The following AGBL4 variants were observed in gnomAD, a reference collection of about 807,000 sequenced individuals.
The protein encoded by AGBL4 is AGBL carboxypeptidase 4.
AGBL4 carries 58 observed loss-of-function variants against 66.4 expected under a neutral mutation model. The observed-to-expected ratio is 0.87, with a 90% CI of 0.71 to 1.09. The LOEUF (loss-of-function observed/expected upper bound fraction) is 1.09. Ranked by LOEUF, AGBL4 falls within the 50% of genes least tolerant of loss-of-function variation. The probability of loss-of-function intolerance (pLI) is 0.00; values close to 1 mark genes in which losing one functional copy is unlikely to be tolerated. For synonymous variants in AGBL4, 234 were observed against 222.9 expected (o/e 1.05, Z -0.44); for missense variants, 579 against 631.0 (o/e 0.92, Z 0.88).
intron 4 of AGBL4, among the ~76,000 whole-genome samples, chr1:49,180,656 G>T (rs1374075931): frequency 1.3e-5 from 2 of 152,124 alleles, no homozygotes; most frequent in African/African-American, 4.8e-5. Flanking sequence ...CAGAAGATGG[G>T]AATCAAATTG....
chr1:49,170,111 C>G (rs1432852824), intron 4 of AGBL4, among the ~76,000 whole-genome samples: 1 of 150,876 alleles, frequency 6.6e-6, no homozygotes, highest in East Asian at 1.9e-4. Context: ...AACCAAAAAC[C>G]ACATGTACCC....
At chr1:49,938,821 A>G (rs1422738360) in intron 1 of AGBL4, among the ~76,000 whole-genome samples, 4 of 152,070 alleles carry the variant, frequency 2.6e-5, no homozygotes, top group Admixed American at 6.6e-5. Context: ...ACTCTCAATA[A>G]ATTCAACATA....
At chr1:49,742,882 A>G (rs1287428143) in intron 2 of AGBL4, among the ~76,000 whole-genome samples, 1 of 152,214 alleles carries the variant, frequency 6.6e-6, no homozygotes, top group African/African-American at 2.4e-5. Context: ...CCTCTCTTAC[A>G]CTTTATACAA....
chr1:49,028,304 C>T (rs1360336218), intron 5 of AGBL4, among the ~76,000 whole-genome samples: 1 of 152,194 alleles, frequency 6.6e-6, no homozygotes, highest in Non-Finnish European at 1.5e-5. Context: ...TCTATATTAA[C>T]TGGATCAGAC....
chr1:48,998,414 T>A (rs1467627748), intron 5 of AGBL4, among the ~76,000 whole-genome samples: 1 of 152,180 alleles, frequency 6.6e-6, no homozygotes, highest in Non-Finnish European at 1.5e-5. Flanking sequence ...TGGAGACTGG[T>A]GAATGACCCC....
chr1:49,790,567 CAATT>C (rs1295485389), intron 2 of AGBL4, among the ~76,000 whole-genome samples: 1 of 151,982 alleles, frequency 6.6e-6, no homozygotes, highest in African/African-American at 2.4e-5. Context: ...AAAAAATTAT[CAATT>C]GAGTTTATAC....
chr1:48,709,377 T>C (rs1646927639), intron 6 of AGBL4, among the ~76,000 whole-genome samples: 1 of 152,300 alleles, frequency 6.6e-6, no homozygotes, highest in East Asian at 1.9e-4. Flanking sequence ...ATCTTGTGAG[T>C]GTGTGTATAC....
chr1:49,146,470 T>C (rs978443249), intron 4 of AGBL4, among the ~76,000 whole-genome samples: 2 of 152,172 alleles, frequency 1.3e-5, no homozygotes, highest in African/African-American at 2.4e-5. Flanking sequence ...ACAGAATCCA[T>C]GTGTCTGTGT....
intron 6 of AGBL4, among the ~76,000 whole-genome samples, chr1:48,825,283 T>C (rs72890070): frequency 0.012 from 1,845 of 152,270 alleles, 40 homozygotes; most frequent in African/African-American, 0.041. Context: ...TGACTTCCAA[T>C]ACTCCAACCA....
In AGBL4 at chr1:49,535,125, C is replaced by T. The variant is rs143971017; in HGVS notation, c.282+162188G>A. Among the ~76,000 whole-genome samples the T allele has an allele frequency of 1.4e-4, 21 of 152,128 alleles. No homozygotes were observed. In the South Asian group the frequency reaches 2.1e-3, roughly 15 times the overall value. On this transcript the variant is annotated intron_variant, in intron 3 of 13. Coordinates refer to ENST00000371839, the MANE Select transcript of AGBL4 (RefSeq NM_032785.4). The stretch of plus-strand genomic sequence containing the variant: ...ACATGAAACAGTATATTATATGCAT[C>T]AAACAGTTCAGTGAAACAGAGTAGA...
chr1:49,596,104 A>T (rs972785998), intron 3 of AGBL4, among the ~76,000 whole-genome samples: 2 of 152,180 alleles, frequency 1.3e-5, no homozygotes, highest in African/African-American at 4.8e-5. Context: ...AGCCAAGGTC[A>T]TCCACAGGCA....
At chr1:49,564,206 T>C (rs543699619) in intron 3 of AGBL4, among the ~76,000 whole-genome samples, 10 of 151,970 alleles carry the variant, frequency 6.6e-5, no homozygotes, top group Non-Finnish European at 1.3e-4. Flanking sequence ...CTCTTTTCTT[T>C]ATTAGTCTTG....
chr1:48,920,732 C>T (rs755727719), intron 5 of AGBL4, among the ~76,000 whole-genome samples: 3 of 152,116 alleles, frequency 2.0e-5, no homozygotes, highest in South Asian at 2.1e-4. Flanking sequence ...CCTGTGCTTC[C>T]GCATGTTGGA....
chr1:49,317,015 A>G (rs1171061513), intron 3 of AGBL4, among the ~76,000 whole-genome samples: 1 of 151,952 alleles, frequency 6.6e-6, no homozygotes, highest in Non-Finnish European at 1.5e-5. Context: ...TTATTAAGAA[A>G]AAAACATATA....
At chr1:49,869,721 C>T (rs553058955) in intron 1 of AGBL4, among the ~76,000 whole-genome samples, 3 of 152,118 alleles carry the variant, frequency 2.0e-5, no homozygotes, top group South Asian at 2.1e-4. Flanking sequence ...ATAACAAACC[C>T]GCACATCTTC....
At position 48,534,756 on chromosome 1, in the gene AGBL4, C is replaced by CA. The variant is rs1268642037; in HGVS notation, c.1391+133dup. The stretch of plus-strand genomic sequence containing the variant: ...TACTGCCCCCTCCACCAGGAAGCCT[C>CA]ACTGCCTGAAAATCCACATTCATTG... On this transcript the variant is annotated intron_variant, in intron 13 of 13. Transcript: ENST00000371839. 3.3e-6 allele frequency: 3 copies of CA among 909,394 alleles called. No homozygotes were observed. In the African/African-American group the frequency reaches 5.0e-5, roughly 15 times the overall value. The allele number at this position is 909,394 out of a possible 1,614,324, so 56.3% of individuals were successfully genotyped here.
intron 3 of AGBL4, among the ~76,000 whole-genome samples, chr1:49,438,991 T>C (rs1031379055): frequency 6.6e-6 from 1 of 152,202 alleles, no homozygotes; most frequent in Non-Finnish European, 1.5e-5. Flanking sequence ...GGAGCTCTCA[T>C]GGCCTAATCA....
intron 3 of AGBL4, among the ~76,000 whole-genome samples, chr1:49,273,104 G>A (rs138456563): frequency 6.6e-6 from 1 of 152,232 alleles, no homozygotes; most frequent in East Asian, 1.9e-4. Flanking sequence ...AGTGGCTATG[G>A]CAAGGCTGGG....
intron 5 of AGBL4, among the ~76,000 whole-genome samples, chr1:48,923,775 C>T (rs1654292609): frequency 6.6e-6 from 1 of 152,196 alleles, no homozygotes; most frequent in Non-Finnish European, 1.5e-5. Flanking sequence ...CATTTGGCCA[C>T]ATAGCCCAGG....
Sources: gnomAD v4.1 joint callset for allele counts (sites outside exome capture counted in the v4.1 genomes callset) on GRCh38, gnomAD v4.1.1 for gene constraint, MANE v1.5 for transcripts, NCBI Gene and HGNC (gene_info 2026-07-23, HGNC 2026-07-21) for gene names.